The following GJB7 variants were observed in gnomAD, a reference collection of about 807,000 sequenced individuals.
GJB7 encodes the protein gap junction protein beta 7.
For missense variants in GJB7, 253 were observed against 256.8 expected (o/e 0.99, Z 0.10); for synonymous variants, 87 against 95.2 (o/e 0.91, Z 0.50).
chr6:87,309,306 CA>C (rs1776481521), intron 2 of GJB7, among the ~76,000 whole-genome samples: 1 of 152,224 alleles, frequency 6.6e-6, no homozygotes, highest in Non-Finnish European at 1.5e-5. Context: ...TCACCAAGGT[CA>C]GAGGCAACAA....
At chr6:87,319,777 T>TGTC (rs1776630128) in intron 2 of GJB7, among the ~76,000 whole-genome samples, 1 of 152,210 alleles carries the variant, frequency 6.6e-6, no homozygotes, top group South Asian at 2.1e-4. Context: ...GCAATCTAAG[T>TGTC]GTCCATCGAC....
chr6:87,305,065 T>C (rs949167203), intron 2 of GJB7, among the ~76,000 whole-genome samples: 5 of 152,196 alleles, frequency 3.3e-5, no homozygotes, highest in Admixed American at 2.6e-4. Context: ...CCACAGCCAA[T>C]ATCTTACTGA....
chr6:87,310,355 T>C (rs911424519), intron 2 of GJB7, among the ~76,000 whole-genome samples: 2 of 152,126 alleles, frequency 1.3e-5, no homozygotes, highest in African/African-American at 4.8e-5. Context: ...TCATTAAAAT[T>C]AAGAACTTGT....
At chr6:87,288,271 G>A (rs1017016949) in intron 2 of GJB7, among the ~76,000 whole-genome samples, 44 of 152,072 alleles carry the variant, frequency 2.9e-4, no homozygotes, top group East Asian at 1.9e-3. Flanking sequence ...AATTAAATCT[G>A]AAAAAAATAA....
chr6:87,323,831 A>T (rs906158313), intron 1 of GJB7, among the ~76,000 whole-genome samples: 3 of 152,008 alleles, frequency 2.0e-5, no homozygotes, highest in African/African-American at 7.3e-5. Flanking sequence ...CTAGTTCTAG[A>T]TCCCTGAGGA....
At chr6:87,326,839 G>A (rs1458649827) in intron 1 of GJB7, among the ~76,000 whole-genome samples, 5 of 121,028 alleles carry the variant, frequency 4.1e-5, no homozygotes, top group South Asian at 2.9e-4. Flanking sequence ...TTTCTGTCTC[G>A]TTGATCTGTC....
chr6:87,303,679 T>C (rs368291), intron 2 of GJB7, among the ~76,000 whole-genome samples: 55,913 of 152,042 alleles, frequency 0.37, 11,959 homozygotes, highest in Non-Finnish European at 0.48. Flanking sequence ...GCAGACCTAA[T>C]AGACATCTAC....
In GJB7 at chr6:87,328,170, A is replaced by G. The variant is rs544780215; in HGVS notation, c.-206+968T>C. 1.8e-4 allele frequency among the ~76,000 whole-genome samples: 28 copies of G among 152,186 alleles called. 1 individual carries two copies. The highest frequency in any genetic ancestry group is 6.5e-4 in the African/African-American group (27 of 41,514). The stretch of plus-strand genomic sequence containing the variant: ...TATACATTCTTCTAAACTTTTTTCA[A>G]AGTTTTCAACTTCTTTGCCTTTGGT... On this transcript the variant is annotated intron_variant, in intron 1 of 2. Coordinates refer to ENST00000525899, the MANE Select transcript of GJB7 (RefSeq NM_198568.3).
At chr6:87,322,067 C>G (rs13193547) in intron 2 of GJB7, among the ~76,000 whole-genome samples, 1 of 152,184 alleles carries the variant, frequency 6.6e-6, no homozygotes, top group Non-Finnish European at 1.5e-5. Flanking sequence ...TCCCAACAAA[C>G]TTAAACATCA....
chr6:87,309,057 GT>G (rs1776474756), intron 2 of GJB7, among the ~76,000 whole-genome samples: 2 of 152,300 alleles, frequency 1.3e-5, no homozygotes, highest in African/African-American at 4.8e-5. Context: ...TTTCTTGCAT[GT>G]TTCCGATTGG....
At chr6:87,294,013 T>A (rs932792461) in intron 2 of GJB7, among the ~76,000 whole-genome samples, 2 of 152,216 alleles carry the variant, frequency 1.3e-5, no homozygotes, top group Non-Finnish European at 2.9e-5. Flanking sequence ...TCTGCTACAC[T>A]TTTGACAAAG....
intron 2 of GJB7, among the ~76,000 whole-genome samples, chr6:87,301,731 C>T (rs1776330511): frequency 6.6e-6 from 1 of 152,214 alleles, no homozygotes; most frequent in Non-Finnish European, 1.5e-5. Flanking sequence ...AGACTGCTTC[C>T]TCAAGTGGGA....
chr6:87,307,849 C>T (rs1299146347), intron 2 of GJB7, among the ~76,000 whole-genome samples: 1 of 152,134 alleles, frequency 6.6e-6, no homozygotes, highest in Non-Finnish European at 1.5e-5. Context: ...CTAGAAATAC[C>T]ATTTGACCCA....
intron 2 of GJB7, among the ~76,000 whole-genome samples, chr6:87,314,268 C>A (rs1449598209): frequency 6.6e-6 from 1 of 152,174 alleles, no homozygotes; most frequent in African/African-American, 2.4e-5. Flanking sequence ...CCTTAGCCCT[C>A]CCTACCCAAG....
chr6:87,303,446 G>A (rs1359508406), intron 2 of GJB7, among the ~76,000 whole-genome samples: 2 of 152,156 alleles, frequency 1.3e-5, no homozygotes, highest in Non-Finnish European at 2.9e-5. Context: ...TTACATAAAG[G>A]TAAAGGGATC....
rs568021274 is a variant in GJB7 at position 87,311,479 on chromosome 6, C to A, written c.-28+11387G>T. Among the ~76,000 whole-genome samples the A allele has an allele frequency of 3.9e-5, 6 of 152,290 alleles. 2 individuals are homozygous for A. Among genetic ancestry groups the A allele is most frequent in the African/African-American group, 1.2e-4 (5 of 41,564 alleles). ...ACCTGTTGACCAAGCAAAGCTTACA[C>A]AGTCTTAGTGTCTCTAAAAAGAGAA... is the stretch of plus-strand genomic sequence containing the variant. On this transcript the variant is annotated intron_variant, in intron 2 of 2. Coordinates refer to ENST00000525899, the MANE Select transcript of GJB7 (RefSeq NM_198568.3).
chr6:87,313,228 A>C (rs1485953809), intron 2 of GJB7, among the ~76,000 whole-genome samples: 2 of 152,226 alleles, frequency 1.3e-5, no homozygotes, highest in Non-Finnish European at 2.9e-5. Flanking sequence ...GAACAGGAGA[A>C]GAAAGGGGAT....
chr6:87,297,924 A>G (rs1463013793), intron 2 of GJB7, among the ~76,000 whole-genome samples: 1 of 152,232 alleles, frequency 6.6e-6, no homozygotes, highest in African/African-American at 2.4e-5. Context: ...TCTTATGATG[A>G]TCCTCCAGAG....
chr6:87,285,065 T>C, intron 2 of GJB7, 126 bp from the exon 3 acceptor site: 1 of 634,598 alleles, frequency 1.6e-6, no homozygotes. Flanking sequence ...GGTTTAGGGC[T>C]CTCTAAGAAT....
Sources: gnomAD v4.1 joint callset for allele counts (sites outside exome capture counted in the v4.1 genomes callset) on GRCh38, gnomAD v4.1.1 for gene constraint, MANE v1.5 for transcripts, NCBI Gene and HGNC (gene_info 2026-07-23, HGNC 2026-07-21) for gene names.